FKBP15: variants seen among roughly 807,000 people sequenced by gnomAD.
The protein encoded by FKBP15 is FK506-binding protein 15.
FKBP15 carries 106 observed loss-of-function variants against 158.1 expected under a neutral mutation model. That is an observed-to-expected ratio of 0.67 (90% CI 0.57 to 0.79). FKBP15 has a LOEUF of 0.79. Ranked by LOEUF, FKBP15 falls within the 30% of genes least tolerant of loss-of-function variation. The probability of loss-of-function intolerance (pLI) is 0.00; values close to 1 mark genes in which losing one functional copy is unlikely to be tolerated. For synonymous variants in FKBP15, 547 were observed against 548.6 expected (o/e 1.00, Z 0.04); for missense variants, 1,287 against 1,479.1 (o/e 0.87, Z 2.13).
intron 15 of FKBP15, among the ~76,000 whole-genome samples, chr9:113,185,552 T>G (rs1830472487): frequency 6.6e-6 from 1 of 152,236 alleles, no homozygotes; most frequent in African/African-American, 2.4e-5. Flanking sequence ...CAAAGCTGAT[T>G]ACTAAACAGA....
rs757578157 is a variant in FKBP15 at position 113,184,477 on chromosome 9, T to C, written c.1609-78A>G. The C allele has an allele frequency of 9.1e-6, 11 of 1,214,446 alleles. No individual in the cohort carries two copies. The highest frequency in any genetic ancestry group is 1.5e-5 in the African/African-American group (1 of 66,228). The allele number at this position is 1,214,446 out of a possible 1,614,324, so 75.2% of individuals were successfully genotyped here. On this transcript the variant is annotated intron_variant, in intron 16 of 27. Transcript: ENST00000238256. This position sits in a 1 kb window ranked among gnomAD's most constrained non-coding sequence, Gnocchi z 4.5. ...ACAATTTACCCAAGATTTGACCCTG[T>C]TGTTAAGGGGGTTAATGAGTTCCTG...
Position 113,186,362 on chromosome 9 carries a change from G to C in FKBP15, c.1385C>G (p.Pro462Arg). 1 of 1,553,620 alleles carries C rather than the reference G, an allele frequency of 6.4e-7. No individual in the cohort carries two copies. The highest frequency in any genetic ancestry group is 8.7e-7 in the Non-Finnish European group (1 of 1,146,286). Residue 462 changes from proline to arginine, a missense_variant and splice_region_variant, in exon 15 of 28, where the codon CCC (proline) becomes CGC (arginine). Physicochemically the swap from Pro to Arg is moderately radical, Grantham distance 103 (BLOSUM62 -2). Transcript: ENST00000238256. Reference protein sequence around the residue: ...AVSGNAQSFQPYAGMQAYAYP... With the variant: ...AVSGNAQSFQRYAGMQAYAYP... ...AGCGTAGGCTTGCATACCTGCATAG[G>C]GCTGAGAAACTGACGAGTTACCACT...
intron 1 of FKBP15, among the ~76,000 whole-genome samples, chr9:113,213,015 C>T (rs935830721): frequency 7.2e-5 from 11 of 152,198 alleles, no homozygotes; most frequent in Admixed American, 6.5e-5. Context: ...CTGCCAGGTT[C>T]AAGGATTCTA....
Position 113,171,105 on chromosome 9 carries a change from C to G in FKBP15, c.2658+476G>C, listed in dbSNP as rs115360119. Among the ~76,000 whole-genome samples the G allele has an allele frequency of 5.3e-3, 811 of 152,266 alleles. 13 individuals are homozygous for G. Among genetic ancestry groups the G allele is most frequent in the African/African-American group, 0.019 (778 of 41,542 alleles). ...TGTAAGTATGTATTTGTTTGTTTTC[C>G]CACTAGGCTGTAAGCTCCTTAAACT... On this transcript the variant is annotated intron_variant, in intron 24 of 27. Coordinates refer to ENST00000238256, the MANE Select transcript of FKBP15 (RefSeq NM_015258.2).
At chr9:113,211,626 G>T in intron 1 of FKBP15, 34 bp from the exon 2 acceptor site, 1 of 1,471,754 alleles carries the variant, frequency 6.8e-7, no homozygotes, top group South Asian at 1.2e-5. Flanking sequence ...AAATTTCACT[G>T]ATATATCCCA....
intron 1 of FKBP15, among the ~76,000 whole-genome samples, chr9:113,217,981 A>T (rs1831173365): frequency 6.6e-6 from 1 of 152,224 alleles, no homozygotes. Flanking sequence ...TATAATTCAT[A>T]GGAAAAGTCA....
At position 113,169,490 on chromosome 9, in the gene FKBP15, G is replaced by A. The variant is rs1830164757; in HGVS notation, c.3219C>T (p.Asn1073=). The A allele has an allele frequency of 6.2e-7, 1 of 1,613,930 alleles. No homozygotes were observed. The highest frequency in any genetic ancestry group is 1.7e-5 in the Admixed American group (1 of 60,016). The change falls in exon 26 of 28, where the codon AAC becomes AAT. Residue 1073 remains asparagine (N), a synonymous_variant. Transcript: ENST00000238256. ...AASPMAAKPD[N]PSGKVCVREV... ...CCCTGACACAGACCTTTCCTGATGG[G>A]TTGTCGGGCTTAGCTGCCATTGGGC...
At chr9:113,182,674 C>T in intron 19 of FKBP15, 92 bp downstream of exon 19, 1 of 947,862 alleles carries the variant, frequency 1.1e-6, no homozygotes, top group Non-Finnish European at 1.7e-6. Flanking sequence ...TGCAAAAATT[C>T]TGTTGGAAAG....
chr9:113,183,934 T>A, intron 17 of FKBP15, 89 bp from the exon 18 acceptor site: 1 of 936,790 alleles, frequency 1.1e-6, no homozygotes, highest in Non-Finnish European at 1.7e-6. Flanking sequence ...ACAGGTGACA[T>A]TGTTAACATG....
In FKBP15 at chr9:113,161,617, C is replaced by T; in HGVS notation, c.*4461G>A. ...CAGGTACTGGTGAACCTGCCAACCT[C>T]CATCAGCCAGCAGACCATCGCAGAG... On this transcript the variant is annotated 3_prime_UTR_variant, in exon 28 of 28. Coordinates refer to ENST00000238256, the MANE Select transcript of FKBP15 (RefSeq NM_015258.2). 6.2e-7 allele frequency: 1 copy of T among 1,614,042 alleles called. No individual in the cohort carries two copies. Among genetic ancestry groups the T allele is most frequent in the Non-Finnish European group, 8.5e-7 (1 of 1,179,904 alleles).
rs922697472 is a variant in FKBP15 at position 113,186,187 on chromosome 9, A to C, written c.1498+62T>G. On this transcript the variant is annotated intron_variant, in intron 15 of 27. Coordinates refer to ENST00000238256, the MANE Select transcript of FKBP15 (RefSeq NM_015258.2). ...GCTGTTGGTGTGAAAATGAAGGAGG[A>C]GCAAGAAGAGGGAAAGCACAGCAAG... The C allele has an allele frequency of 6.8e-6, 8 of 1,170,434 alleles. No homozygotes were observed. The African/African-American group carries it at 1.2e-4, about 18-fold the overall frequency. The allele number at this position is 1,170,434 out of a possible 1,614,324, so 72.5% of individuals were successfully genotyped here.
chr9:113,173,331 G>A (rs964880788), intron 23 of FKBP15, 122 bp downstream of exon 23: 27 of 959,036 alleles, frequency 2.8e-5, no homozygotes, highest in Middle Eastern at 2.8e-4. Flanking sequence ...CTAAACAAGT[G>A]TGGTTTTGTC....
rs79470887 is a variant in FKBP15 at position 113,214,956 on chromosome 9, G to A, written c.54-3364C>T. ...TTTTCTTCTGCAGCATCCTCACCTC[G>A]CTCAGCCTTCACAGAATTGAAAAGA... On this transcript the variant is annotated intron_variant, in intron 1 of 27. Coordinates refer to ENST00000238256, the MANE Select transcript of FKBP15 (RefSeq NM_015258.2). Among the ~76,000 whole-genome samples the A allele has an allele frequency of 4.7e-3, 715 of 152,244 alleles. 5 individuals are homozygous for A. Among genetic ancestry groups the A allele is most frequent in the African/African-American group, 0.016 (679 of 41,530 alleles).
At chr9:113,216,671 T>C (rs1406645731) in intron 1 of FKBP15, among the ~76,000 whole-genome samples, 2 of 152,196 alleles carry the variant, frequency 1.3e-5, no homozygotes, top group African/African-American at 2.4e-5. Flanking sequence ...TAAGATAACA[T>C]AGCTTATGCA....
In FKBP15 at chr9:113,166,114, A is replaced by G. The variant is rs1830094767; in HGVS notation, c.3624T>C (p.Asp1208=). The G allele has an allele frequency of 1.2e-6, 2 of 1,613,626 alleles. No individual in the cohort carries two copies. Among genetic ancestry groups the G allele is most frequent in the Non-Finnish European group, 1.7e-6 (2 of 1,179,766 alleles). The change falls in exon 28 of 28, where the codon GAT becomes GAC. Residue 1208 remains aspartate, a synonymous_variant. Transcript: ENST00000238256. Reference sequence around the variant, plus strand: ...AGTCAATGTCATCGTCATCATCATCATCTCCAAAAAGGGGCGTTGGGGGCG... The same window carrying G: ...AGTCAATGTCATCGTCATCATCATCGTCTCCAAAAAGGGGCGTTGGGGGCG... ...GRPPPTPLFG[D]DDDDDDIDWL...
intron 27 of FKBP15, among the ~76,000 whole-genome samples, chr9:113,166,394 C>A (rs1029971100): frequency 2.0e-5 from 3 of 152,220 alleles, no homozygotes; most frequent in African/African-American, 7.2e-5. Flanking sequence ...TGGCTAATCT[C>A]ATCATTTATT....
chr9:113,162,926 G>C lies in FKBP15; in HGVS notation c.*3152C>G. ...TTCTCAGCACAGCTTAGCTGGTGAG[G>C]AACGTGCAGGCACTGAGGCTGGAGG... On this transcript the variant is annotated 3_prime_UTR_variant, in exon 28 of 28. Coordinates refer to ENST00000238256, the MANE Select transcript of FKBP15 (RefSeq NM_015258.2). The C allele has an allele frequency of 6.3e-7, 1 of 1,598,454 alleles. No homozygotes were observed. The highest frequency in any genetic ancestry group is 8.5e-7 in the Non-Finnish European group (1 of 1,172,720).
At chr9:113,207,387 T>A in intron 2 of FKBP15, 91 bp from the exon 3 acceptor site, 1 of 917,602 alleles carries the variant, frequency 1.1e-6, no homozygotes, top group Admixed American at 2.0e-5. Flanking sequence ...TCACCCAGGC[T>A]GGAGTGCAGT....
intron 4 of FKBP15, 24 bp from the exon 5 acceptor site, chr9:113,203,059 GAAA>G: frequency 5.6e-6 from 7 of 1,240,292 alleles, no homozygotes; most frequent in South Asian, 1.5e-5. Context: ...ACGACAGATA[GAAA>G]AAAAAAAAGA....
Sources: allele counts gnomAD v4.1 joint callset (sites outside exome capture counted in the v4.1 genomes callset), GRCh38; gene constraint gnomAD v4.1.1; non-coding constraint Gnocchi (gnomAD v3.1); transcripts MANE v1.5; gene names NCBI Gene and HGNC (gene_info 2026-07-23, HGNC 2026-07-21).